STAB1: variants seen among roughly 807,000 people sequenced by gnomAD.
The protein encoded by STAB1 is stabilin 1.
In STAB1, 250 loss-of-function variants were observed where a neutral mutation model predicts 332.4. That is an observed-to-expected ratio of 0.75 (90% CI 0.68 to 0.84). The LOEUF (loss-of-function observed/expected upper bound fraction) is 0.84, where lower values mean the gene tolerates loss of function less well. STAB1 is among the 40% of genes least tolerant of loss of function. The probability of loss-of-function intolerance (pLI) is 0.00; values close to 1 mark genes in which losing one functional copy is unlikely to be tolerated. For missense variants in STAB1, 3,249 were observed against 3,489.7 expected (o/e 0.93, Z 1.74); for synonymous variants, 1,475 against 1,390.4 (o/e 1.06, Z -1.35).
rs1437108791 is a variant in STAB1, at chr3:52,520,414, G to C, written c.5514G>C (p.Val1838=). ...CSRTRAGELM[V]GEDDARIVQR... ...TCTCCTTGCAGGGTGAGCTCATGGT[G>C]GGTGAGGATGATGCTCGCATTGTGC... Residue 1838 remains valine, a synonymous_variant, in exon 53 of 69, where the codon GTG becomes GTC. Coordinates refer to ENST00000321725, the MANE Select transcript of STAB1 (RefSeq NM_015136.3). The C allele has an allele frequency of 6.2e-7, 1 of 1,612,018 alleles. No individual in the cohort carries two copies. The highest frequency in any genetic ancestry group is 2.2e-5 in the East Asian group (1 of 44,836).
At chr3:52,504,709 C>T (rs767649788) in intron 11 of STAB1, 30 bp from the exon 12 acceptor site, 1 of 1,613,500 alleles carries the variant, frequency 6.2e-7, no homozygotes, top group Non-Finnish European at 8.5e-7. Flanking sequence ...GGCCCCCCGG[C>T]TCACTTTGCT....
At chr3:52,521,300 G>C in intron 55 of STAB1, 61 bp from the exon 56 acceptor site, 1 of 1,605,570 alleles carries the variant, frequency 6.2e-7, no homozygotes, top group East Asian at 2.2e-5. Flanking sequence ...CTGGAGGTAC[G>C]TATATGGGGG....
At position 52,514,431 on chromosome 3, in the gene STAB1, G is replaced by T. The variant is rs1709529708; in HGVS notation, c.3613G>T (p.Gly1205Cys). ...CCTCTCCATGGAAACCCTGCGGAAG[G>T]GTGGACACCGCAACTCCCTCCTGGG... ...EALSMETLRK[G>C]GHRNSLLGPA... The change falls in exon 34 of 69, where the codon GGT (glycine) becomes TGT (cysteine). Residue 1205 changes from glycine to cysteine, a missense_variant. Coordinates refer to ENST00000321725, the MANE Select transcript of STAB1 (RefSeq NM_015136.3). 1 of 1,557,080 alleles carries T rather than the reference G, an allele frequency of 6.4e-7. No individual in the cohort carries two copies. Among genetic ancestry groups the T allele is most frequent in the East Asian group, 2.3e-5 (1 of 44,340 alleles).
At chr3:52,516,006 GCCTCTCTCGC>G (rs1451312141) in intron 37 of STAB1, 27 bp from the exon 38 acceptor site, 1 of 1,549,114 alleles carries the variant, frequency 6.5e-7, no homozygotes, top group Admixed American at 2.0e-5. Context: ...ACCTTGCTGG[GCCTCTCTCGC>G]CCTCTCTCCC....
rs767187273 is a variant in STAB1 at position 52,503,558 on chromosome 3, G to T, written c.891+18G>T. On this transcript the variant is annotated intron_variant, in intron 8 of 68. Coordinates refer to ENST00000321725, the MANE Select transcript of STAB1 (RefSeq NM_015136.3). ...CGGGCCAGGTGAGCCAGGGTCCCAG[G>T]CCGGAACTGTCCCCACAGTGCACCC... is the stretch of plus-strand genomic sequence containing the variant. The T allele has an allele frequency of 6.2e-7, 1 of 1,610,888 alleles. No homozygotes were observed. The highest frequency in any genetic ancestry group is 1.1e-5 in the South Asian group (1 of 90,762).
At chr3:52,521,329 G>GC (rs2079065049) in intron 55 of STAB1, 32 bp from the exon 56 acceptor site, 2 of 1,612,634 alleles carry the variant, frequency 1.2e-6, no homozygotes, top group African/African-American at 2.7e-5. Context: ...AGAGCCCCTG[G>GC]CCCCACCTCA....
chr3:52,516,266 G>GGGGGGGC, intron 38 of STAB1, 28 bp downstream of exon 38: 24 of 794,080 alleles, frequency 3.0e-5, no homozygotes, highest in Non-Finnish European at 4.6e-5. Flanking sequence ...GCGGGGGTGG[G>GGGGGGGC]CCTCCTGGCA....
At chr3:52,504,687 G>A (rs1708712979) in intron 11 of STAB1, 52 bp from the exon 12 acceptor site, 2 of 1,613,150 alleles carry the variant, frequency 1.2e-6, no homozygotes, top group Non-Finnish European at 1.7e-6. Context: ...TAGAGGTGGT[G>A]TGAAGAGGAC....
chr3:52,518,033 TGGTC>T (rs2078933510), intron 45 of STAB1, 30 bp downstream of exon 45: 1 of 1,578,392 alleles, frequency 6.3e-7, no homozygotes, highest in South Asian at 1.2e-5. Context: ...ACCCCTGATC[TGGTC>T]TTGGCTGTGC....
chr3:52,517,420 G>A lies in STAB1; in HGVS notation c.4563+27G>A, dbSNP rs748293088. 5 of 1,584,746 alleles carry A rather than the reference G, an allele frequency of 3.2e-6. No individual in the cohort carries two copies. The South Asian group carries it at 5.8e-5, about 18-fold the overall frequency. On this transcript the variant is annotated intron_variant, in intron 43 of 68. Coordinates refer to ENST00000321725, the MANE Select transcript of STAB1 (RefSeq NM_015136.3). ...TCAGCATGGCAGGGTTGGACATGGGGCATCATGCCATGCCCTCACAGGATG... is the reference window on the plus strand; with the variant it reads ...TCAGCATGGCAGGGTTGGACATGGGACATCATGCCATGCCCTCACAGGATG...
chr3:52,518,877 C>T lies in STAB1; in HGVS notation c.5034+8C>T, dbSNP rs376524913. On this transcript the variant is annotated splice_region_variant and intron_variant, in intron 48 of 68. Transcript: ENST00000321725. ...CGCTTCAGCGAGAGGGAGGTGAGCC[C>T]TGGCCCTGGCCTGCCCCGCTCCATC... 373 of 1,554,766 alleles carry T rather than the reference C, an allele frequency of 2.4e-4. No homozygotes were observed. The highest frequency in any genetic ancestry group is 3.1e-4 in the Non-Finnish European group (359 of 1,156,124).
rs371977178 is a variant in STAB1, at chr3:52,520,391, T to A, written c.5500-9T>A. 9.3e-6 allele frequency: 15 copies of A among 1,611,814 alleles called. No individual in the cohort carries two copies. Among genetic ancestry groups the A allele is most frequent in the Non-Finnish European group, 1.3e-5 (15 of 1,179,122 alleles). On this transcript the variant is annotated splice_polypyrimidine_tract_variant and intron_variant, in intron 52 of 68. Coordinates refer to ENST00000321725, the MANE Select transcript of STAB1 (RefSeq NM_015136.3). ...CGACCCTTGCATACCTCATATTCTC[T>A]CCTTGCAGGGTGAGCTCATGGTGGG...
rs369258155 is a variant in STAB1, at chr3:52,497,150, G to A, written c.78+1659G>A. ...CCGAGAACTGGGATTACAGGCGCCC[G>A]CCACCACACCCAGCTAATTTTTGAA... On this transcript the variant is annotated intron_variant, in intron 1 of 68. Coordinates refer to ENST00000321725, the MANE Select transcript of STAB1 (RefSeq NM_015136.3). Among the ~76,000 whole-genome samples the A allele has an allele frequency of 3.7e-4, 56 of 151,510 alleles. 1 individual carries two copies. Among genetic ancestry groups the A allele is most frequent in the African/African-American group, 1.2e-3 (50 of 41,328 alleles).
chr3:52,503,581 C>A, intron 8 of STAB1, 41 bp downstream of exon 8: 1 of 1,599,754 alleles, frequency 6.3e-7, no homozygotes, highest in East Asian at 2.2e-5. Flanking sequence ...CCACAGTGCA[C>A]CCAAACACTG....
At position 52,523,939 on chromosome 3, in the gene STAB1, ACTGCTTGGCTTGGTGGCCGGAGCT is replaced by A; in HGVS notation, c.7467_7490del (p.Leu2490_Leu2497del). On this transcript the variant is annotated inframe_deletion, in exon 67 of 69. Coordinates refer to ENST00000321725, the MANE Select transcript of STAB1 (RefSeq NM_015136.3). The stretch of plus-strand genomic sequence containing the variant: ...TGGGGGCTGTGCTTGCCGCTGGAGC[ACTGCTTGGCTTGGTGGCCGGAGCT>A]CTCTACCTCCGTGCCCGAGGCAAGC... 1 of 1,610,648 alleles carries A rather than the reference ACTGCTTGGCTTGGTGGCCGGAGCT, an allele frequency of 6.2e-7. No individual in the cohort carries two copies. Among genetic ancestry groups the A allele is most frequent in the Non-Finnish European group, 8.5e-7 (1 of 1,179,930 alleles).
At position 52,520,665 on chromosome 3, in the gene STAB1, G is replaced by A; in HGVS notation, c.5673G>A (p.Leu1891=). Residue 1891 remains leucine (L), a synonymous_variant, in exon 54 of 69, where the codon CTG becomes CTA. Coordinates refer to ENST00000321725, the MANE Select transcript of STAB1 (RefSeq NM_015136.3). ...LRLNTCSICG[L]EPPCPEGSQE... is the part of the protein sequence containing the mutation. ...AGAACACCTGCAGCATCTGTGGGCT[G>A]GAGCCACCCTGTCCTGAGGGGTCAC... 4 of 1,612,800 alleles carry A rather than the reference G, an allele frequency of 2.5e-6. No individual in the cohort carries two copies. Among genetic ancestry groups the A allele is most frequent in the Non-Finnish European group, 3.4e-6 (4 of 1,179,980 alleles).
In STAB1 at chr3:52,523,150, C is replaced by T; in HGVS notation, c.7020+16C>T. ...CTTCTATGGGGTGTGTGGGGGCCAC[C>T]CTTGGGGGCGGGGGGTGCTGGGATC... On this transcript the variant is annotated intron_variant, in intron 63 of 68. Coordinates refer to ENST00000321725, the MANE Select transcript of STAB1 (RefSeq NM_015136.3). 1 of 1,607,574 alleles carries T rather than the reference C, an allele frequency of 6.2e-7. No individual in the cohort carries two copies. The highest frequency in any genetic ancestry group is 1.3e-5 in the African/African-American group (1 of 74,996).
Position 52,521,582 on chromosome 3 carries a change from G to A in STAB1, c.6059-14G>A. ...TGGGCCAATCTTTATCTTCCTGCCT[G>A]TCCCTCTCCCCAGCCTGCCGCTGCA... is the stretch of plus-strand genomic sequence containing the variant. On this transcript the variant is annotated splice_polypyrimidine_tract_variant and intron_variant, in intron 56 of 68. Transcript: ENST00000321725. 1 of 1,612,896 alleles carries A rather than the reference G, an allele frequency of 6.2e-7. No homozygotes were observed. The highest frequency in any genetic ancestry group is 8.5e-7 in the Non-Finnish European group (1 of 1,179,788).
rs143467377 is a variant in STAB1, at chr3:52,517,047, C to T, written c.4427C>T (p.Ala1476Val). 1.3e-5 allele frequency: 21 copies of T among 1,604,026 alleles called. No homozygotes were observed. The African/African-American group carries it at 1.6e-4, about 12-fold the overall frequency. Residue 1476 changes from alanine to valine, a missense_variant, in exon 42 of 69, where the codon GCA becomes GTA. By Grantham distance (64) the Ala-to-Val change is moderately conservative. Transcript: ENST00000321725. Reference sequence around the variant, plus strand: ...CCTCATGCCAACTGTACCAAGGTGGCACCTGGGCAGCGGACATGCACCTGC... The same window carrying T: ...CCTCATGCCAACTGTACCAAGGTGGTACCTGGGCAGCGGACATGCACCTGC... ...CSPHANCTKV[A>V]PGQRTCTCQD...
Sources: gnomAD v4.1 joint callset for allele counts (sites outside exome capture counted in the v4.1 genomes callset) on GRCh38, gnomAD v4.1.1 for gene constraint, MANE v1.5 for transcripts, NCBI Gene and HGNC (gene_info 2026-07-23, HGNC 2026-07-21) for gene names.